The following GRHL3 variants were observed in gnomAD, a reference collection of about 807,000 sequenced individuals.
The protein encoded by GRHL3 is grainyhead-like protein 3 homolog.
GRHL3 carries 20 observed loss-of-function variants against 70.3 expected under a neutral mutation model. That is an observed-to-expected ratio of 0.28 (90% CI 0.20 to 0.41). The LOEUF (loss-of-function observed/expected upper bound fraction) is 0.41, where lower values mean the gene tolerates loss of function less well. Ranked by LOEUF, GRHL3 falls within the 10% of genes least tolerant of loss-of-function variation. The probability of loss-of-function intolerance (pLI) is 1.00; values close to 1 mark genes in which losing one functional copy is unlikely to be tolerated. For missense variants in GRHL3, 637 were observed against 762.3 expected (o/e 0.84, Z 1.94); for synonymous variants, 299 against 299.9 (o/e 1.00, Z 0.03).
chr1:24,337,829 G>C, intron 6 of GRHL3, 40 bp downstream of exon 6: 3 of 1,613,184 alleles, frequency 1.9e-6, no homozygotes, highest in Middle Eastern at 1.7e-4. Flanking sequence ...GGTGGAATGG[G>C]GCAAGATATA....
chr1:24,342,081 A>T lies in GRHL3; in HGVS notation c.1048-34A>T. 1 of 1,522,884 alleles carries T rather than the reference A, an allele frequency of 6.6e-7. No homozygotes were observed. The highest frequency in any genetic ancestry group is 8.9e-7 in the Non-Finnish European group (1 of 1,129,640). 94.3% of individuals were successfully genotyped at this position (1,522,884 alleles called of 1,614,324 possible). ...GGACGGTGGGGCTGGCCACCTGGGC[A>T]GGCCACTTACCCAGCGGCCCCCTCT... On this transcript the variant is annotated intron_variant, in intron 8 of 15. Transcript: ENST00000361548. This position sits in a 1 kb window ranked among gnomAD's most constrained non-coding sequence, Gnocchi z 4.8.
chr1:24,354,054 C>A (rs1345594841), intron 15 of GRHL3, among the ~76,000 whole-genome samples: 2 of 152,124 alleles, frequency 1.3e-5, no homozygotes, highest in African/African-American at 4.8e-5. Flanking sequence ...CACTGCGTCT[C>A]CCCCAGATCT....
downstream of GRHL3, among the ~76,000 whole-genome samples, chr1:24,359,049 A>G (rs1475187168): frequency 6.6e-6 from 1 of 152,180 alleles, no homozygotes; most frequent in East Asian, 1.9e-4. The surrounding 1 kb of genome is among the most constrained non-coding windows in gnomAD (Gnocchi z 5.3). Flanking sequence ...CTGTAGCCCC[A>G]GGTGACCAGA....
At chr1:24,356,428 A>G (rs968389506), downstream of GRHL3, among the ~76,000 whole-genome samples, 3 of 151,488 alleles carry the variant, frequency 2.0e-5, no homozygotes, top group African/African-American at 7.3e-5. Flanking sequence ...TTTAGTAAAG[A>G]TGGGGTTTCA....
chr1:24,357,880 C>G (rs185519687), downstream of GRHL3: 165 of 308,650 alleles, frequency 5.3e-4, no homozygotes, highest in Non-Finnish European at 7.0e-5. Context: ...AAAAGCGCAG[C>G]CCCCGGGCCC....
intron 1 of GRHL3, among the ~76,000 whole-genome samples, chr1:24,324,320 C>T (rs1052954180): frequency 3.3e-5 from 5 of 152,060 alleles, no homozygotes; most frequent in African/African-American, 1.2e-4. Context: ...ACTTGCCCAC[C>T]TGGGTCCTGA....
chr1:24,328,699 C>T (rs940777142), intron 1 of GRHL3, among the ~76,000 whole-genome samples: 7 of 152,222 alleles, frequency 4.6e-5, no homozygotes, highest in African/African-American at 1.7e-4. Flanking sequence ...ACTTTGCAAC[C>T]CCTTGATGTC....
intron 1 of GRHL3, among the ~76,000 whole-genome samples, chr1:24,331,085 T>A (rs146083472): frequency 5.9e-5 from 9 of 152,236 alleles, no homozygotes; most frequent in Non-Finnish European, 1.2e-4. Context: ...ATCATTGGCA[T>A]TTCCCATTCA....
chr1:24,328,231 C>G (rs1639466251), intron 1 of GRHL3, among the ~76,000 whole-genome samples: 1 of 152,254 alleles, frequency 6.6e-6, no homozygotes, highest in African/African-American at 2.4e-5. Context: ...CAAGTTCAAG[C>G]TGAGCCTCCA....
chr1:24,319,650 G>A (rs1166716884), intron 1 of GRHL3, 82 bp downstream of exon 1: 3 of 1,610,964 alleles, frequency 1.9e-6, no homozygotes, highest in Non-Finnish European at 2.5e-6. Flanking sequence ...GAGCGGGGAG[G>A]CCGGCACCGG....
chr1:24,360,881 C>G (rs138744711), intron 15 of GRHL3: 73 of 1,613,366 alleles, frequency 4.5e-5, no homozygotes, highest in Non-Finnish European at 5.9e-5. Context: ...TGAGGCGGCG[C>G]CGCTGTCCAC....
chr1:24,323,373 C>A (rs1031402709), intron 1 of GRHL3, among the ~76,000 whole-genome samples: 1 of 152,160 alleles, frequency 6.6e-6, no homozygotes, highest in Non-Finnish European at 1.5e-5. Context: ...CACAGGCCCT[C>A]CAGGTGATTC....
chr1:24,346,786 G>A (rs1640306197), intron 13 of GRHL3, 145 bp downstream of exon 13: 2 of 623,278 alleles, frequency 3.2e-6, no homozygotes, highest in East Asian at 2.8e-5. Flanking sequence ...TTGGGGGTGG[G>A]GGTAAGGAGG....
At chr1:24,344,209 C>T (rs1485895008) in intron 11 of GRHL3, among the ~76,000 whole-genome samples, 1 of 152,132 alleles carries the variant, frequency 6.6e-6, no homozygotes, top group African/African-American at 2.4e-5. Context: ...CCTGACTCTG[C>T]CTCCTGCCGG....
intron 1 of GRHL3, among the ~76,000 whole-genome samples, chr1:24,323,626 C>G (rs1328550896): frequency 2.0e-5 from 3 of 152,102 alleles, no homozygotes; most frequent in African/African-American, 7.2e-5. Context: ...ATAAAAATAC[C>G]CACCTCACAA....
chr1:24,339,227 T>C lies in GRHL3; in HGVS notation c.953-441T>C, dbSNP rs184050417. Among the ~76,000 whole-genome samples the C allele has an allele frequency of 4.4e-4, 67 of 152,136 alleles. No homozygotes were observed. In the East Asian group the frequency reaches 0.013, roughly 29 times the overall value. ...CCCTTTTCCTCCCTGGATTGAAGTG[T>C]GGTTCTTGGGGGAGAGAATGTATGC... On this transcript the variant is annotated intron_variant, in intron 7 of 15. Coordinates refer to ENST00000361548, the MANE Select transcript of GRHL3 (RefSeq NM_198173.3).
intron 3 of GRHL3, among the ~76,000 whole-genome samples, chr1:24,336,215 GTT>G (rs57566921): frequency 4.2e-5 from 6 of 142,488 alleles, no homozygotes; most frequent in African/African-American, 7.7e-5. Context: ...AACTTTCAGG[GTT>G]TTTTTTTTTT....
At chr1:24,332,908 G>A (rs1639662731) in intron 2 of GRHL3, among the ~76,000 whole-genome samples, 1 of 152,212 alleles carries the variant, frequency 6.6e-6, no homozygotes, top group Non-Finnish European at 1.5e-5. Context: ...CTCCCCGGCA[G>A]ACTGGTGGCA....
At chr1:24,340,561 G>T (rs957711684) in intron 8 of GRHL3, among the ~76,000 whole-genome samples, 4 of 152,244 alleles carry the variant, frequency 2.6e-5, no homozygotes, top group Admixed American at 1.3e-4. Flanking sequence ...AGGCACTAGT[G>T]TGGGAGTCAG....
Sources: allele counts gnomAD v4.1 joint callset (sites outside exome capture counted in the v4.1 genomes callset), GRCh38; gene constraint gnomAD v4.1.1; non-coding constraint Gnocchi (gnomAD v3.1); transcripts MANE v1.5; gene names NCBI Gene and HGNC (gene_info 2026-07-23, HGNC 2026-07-21).